The following IFT57 variants were observed in gnomAD, a reference collection of about 807,000 sequenced individuals.
IFT57 encodes intraflagellar transport 57.
IFT57 carries 59 observed loss-of-function variants against 56.8 expected under a neutral mutation model. That is an observed-to-expected ratio of 1.04 (90% CI 0.84 to 1.29). The LOEUF is 1.29. Among genes scored for constraint, IFT57 ranks in the 50% most tolerant of loss-of-function variants. The pLI is 0.00. For missense variants in IFT57, 470 were observed against 522.1 expected (o/e 0.90, Z 0.97); for synonymous variants, 209 against 186.1 (o/e 1.12, Z -1.00).
chr3:108,167,227 A>C lies in IFT57; in HGVS notation c.850-242T>G, dbSNP rs1348559921. 3 of 398,656 alleles carry C rather than the reference A, an allele frequency of 7.5e-6. No homozygotes were observed. In the South Asian group the frequency reaches 1.1e-4, roughly 14 times the overall value. The allele number at this position is 398,656 out of a possible 1,614,324, so 24.7% of individuals were successfully genotyped here. A position where few individuals can be genotyped will look rare whatever the true frequency, so the allele number is the denominator to read the frequency against. ...AGTCAATTCATTTGTCATTATACAT[A>C]CCATAAAATTTATGTGACTATAATT... On this transcript the variant is annotated intron_variant, in intron 7 of 10. Transcript: ENST00000264538.
chr3:108,199,907 G>T (rs919315228), intron 5 of IFT57, among the ~76,000 whole-genome samples: 4 of 152,132 alleles, frequency 2.6e-5, no homozygotes, highest in Non-Finnish European at 5.9e-5. Flanking sequence ...ACAGTGGGAA[G>T]GTATTTTAGA....
At chr3:108,214,718 T>C (rs981119515) in intron 3 of IFT57, among the ~76,000 whole-genome samples, 1 of 152,218 alleles carries the variant, frequency 6.6e-6, no homozygotes, top group Non-Finnish European at 1.5e-5. Flanking sequence ...GAATATCTTG[T>C]CATATTTTAA....
Position 108,162,434 on chromosome 3 carries a change from T to C in IFT57, c.*43A>G, listed in dbSNP as rs749424747. On this transcript the variant is annotated 3_prime_UTR_variant, in exon 11 of 11. Coordinates refer to ENST00000264538, the MANE Select transcript of IFT57 (RefSeq NM_018010.4). The stretch of plus-strand genomic sequence containing the variant: ...CTATGCAACATGAAATATAGTTTGA[T>C]ATAAAAAACCCAACTAATCAGAAAC... 1.3e-6 allele frequency: 2 copies of C among 1,487,642 alleles called. No individual in the cohort carries two copies. The highest frequency in any genetic ancestry group is 2.1e-5 in the Admixed American group (1 of 47,332). The allele number at this position is 1,487,642 out of a possible 1,614,324, so 92.2% of individuals were successfully genotyped here. A position where few individuals can be genotyped will look rare whatever the true frequency, so the allele number is the denominator to read the frequency against.
In IFT57 at chr3:108,206,685, T is replaced by A; in HGVS notation, c.597A>T (p.Thr199=). Residue 199 remains threonine (T), a synonymous_variant, in exon 5 of 11, where the codon ACA becomes ACT. Transcript: ENST00000264538. ...GATCAATAAAGTTTTCTTCATTATC[T>A]GTCTCTTCTTCCTTAGAAAATAAAT... ...KVDEEFVEEE[T]DNEENFIDLN... is the part of the protein sequence containing the mutation. 7.8e-7 allele frequency: 1 copy of A among 1,281,614 alleles called. No homozygotes were observed. Among genetic ancestry groups the A allele is most frequent in the Non-Finnish European group, 1.0e-6 (1 of 956,992 alleles). The allele number at this position is 1,281,614 out of a possible 1,614,324, so 79.4% of individuals were successfully genotyped here. A position where few individuals can be genotyped will look rare whatever the true frequency, so the allele number is the denominator to read the frequency against.
chr3:108,205,921 ATTTATAATATATAAATATATTAG>A (rs1331440079), intron 5 of IFT57, among the ~76,000 whole-genome samples: 9 of 123,578 alleles, frequency 7.3e-5, no homozygotes, highest in Non-Finnish European at 1.3e-4. Context: ...AATATATATT[ATTTATAATATATAAATATATTAG>A]TTTATAATAT....
chr3:108,175,848 A>G (rs1363650516), intron 6 of IFT57, among the ~76,000 whole-genome samples: 1 of 151,796 alleles, frequency 6.6e-6, no homozygotes, highest in Admixed American at 6.6e-5. Context: ...GCATAGTGCT[A>G]AAGAATTATT....
intron 4 of IFT57, among the ~76,000 whole-genome samples, chr3:108,208,637 G>A (rs1004017003): frequency 9.9e-5 from 15 of 152,116 alleles, no homozygotes; most frequent in African/African-American, 3.6e-4. Flanking sequence ...CTTGCTTCCT[G>A]TTCCCATGAC....
At chr3:108,219,740 T>A (rs2080395345) in intron 1 of IFT57, among the ~76,000 whole-genome samples, 168 bp from the exon 2 acceptor site, 1 of 152,136 alleles carries the variant, frequency 6.6e-6, no homozygotes, top group Non-Finnish European at 1.5e-5. Context: ...TCCACAGCAC[T>A]CACATTGAAG....
At chr3:108,197,990 G>T (rs977653201) in intron 5 of IFT57, among the ~76,000 whole-genome samples, 1 of 152,056 alleles carries the variant, frequency 6.6e-6, no homozygotes, top group African/African-American at 2.4e-5. Flanking sequence ...GTATATTTTA[G>T]CAGTTATTAT....
At chr3:108,188,142 G>A (rs149694641) in intron 6 of IFT57, among the ~76,000 whole-genome samples, 1 of 152,040 alleles carries the variant, frequency 6.6e-6, no homozygotes, top group African/African-American at 2.4e-5. Context: ...CTGTGTCCAA[G>A]TGTCTATTTG....
intron 5 of IFT57, among the ~76,000 whole-genome samples, chr3:108,199,498 G>C (rs2080265215): frequency 6.6e-6 from 1 of 152,132 alleles, no homozygotes; most frequent in Non-Finnish European, 1.5e-5. Flanking sequence ...AAGAGTCTAG[G>C]GGCTTAAAAA....
intron 6 of IFT57, among the ~76,000 whole-genome samples, chr3:108,185,947 C>T (rs1207127718): frequency 4.6e-5 from 7 of 152,028 alleles, no homozygotes; most frequent in Admixed American, 6.6e-5. Context: ...TTTTTGATAT[C>T]GGACCATGCC....
intron 2 of IFT57, 47 bp from the exon 3 acceptor site, chr3:108,218,700 C>T: frequency 1.2e-6 from 1 of 861,328 alleles, no homozygotes; most frequent in East Asian, 2.8e-5. Flanking sequence ...AGTTATACTC[C>T]AAATGTCAAA....
chr3:108,222,081 A>T (rs2080409248), intron 1 of IFT57, 30 bp downstream of exon 1: 1 of 1,563,364 alleles, frequency 6.4e-7, no homozygotes, highest in African/African-American at 1.4e-5. Context: ...GCTAGCAGGC[A>T]CCCGGGCGCT....
intron 2 of IFT57, 120 bp downstream of exon 2, chr3:108,219,290 C>T (rs946622056): frequency 9.0e-6 from 7 of 777,518 alleles, no homozygotes; most frequent in African/African-American, 5.3e-5. Flanking sequence ...GGAGGTTTTA[C>T]CTAAAAATAA....
chr3:108,208,132 T>C (rs1223927626), intron 4 of IFT57, among the ~76,000 whole-genome samples: 1 of 151,740 alleles, frequency 6.6e-6, no homozygotes, highest in Non-Finnish European at 1.5e-5. Flanking sequence ...ACCAGAAAGA[T>C]TTTAGTAAAA....
chr3:108,200,853 C>T (rs1432184238), intron 5 of IFT57, among the ~76,000 whole-genome samples: 1 of 152,134 alleles, frequency 6.6e-6, no homozygotes, highest in Admixed American at 6.6e-5. Flanking sequence ...CTCAAAAATA[C>T]TCATGACAAT....
In IFT57 at chr3:108,167,734, T is replaced by C. The variant is rs2080070128; in HGVS notation, c.849+59A>G. The C allele has an allele frequency of 2.6e-6, 3 of 1,172,424 alleles. No homozygotes were observed. The South Asian group carries it at 5.1e-5, about 20-fold the overall frequency. The allele number at this position is 1,172,424 out of a possible 1,614,324, so 72.6% of individuals were successfully genotyped here. On this transcript the variant is annotated intron_variant, in intron 7 of 10. Transcript: ENST00000264538. ...CTTTTTATTCTTTCATGTTCTCTTATAACAGGTGTTCCACAGATGAGTAAA... is the reference window on the plus strand; with the variant it reads ...CTTTTTATTCTTTCATGTTCTCTTACAACAGGTGTTCCACAGATGAGTAAA...
In IFT57 at chr3:108,163,728, A is replaced by C; in HGVS notation, c.1046T>G (p.Val349Gly). ...VTERTRLLSE[V>G]MEELEKVKQE... ...TTTTACCTTTTCTAATTCTTCCATAACCTTTCATGAAAACAAGTTTTCATG... is the reference window on the plus strand; with the variant it reads ...TTTTACCTTTTCTAATTCTTCCATACCCTTTCATGAAAACAAGTTTTCATG... Residue 349 changes from valine to glycine, a missense_variant and splice_region_variant, in exon 10 of 11, where the codon GTT becomes GGT. Val to Gly is a moderately radical substitution (Grantham distance 109). Transcript: ENST00000264538. 2 of 1,601,852 alleles carry C rather than the reference A, an allele frequency of 1.2e-6. No homozygotes were observed. The highest frequency in any genetic ancestry group is 1.7e-6 in the Non-Finnish European group (2 of 1,170,420).
Sources: gnomAD v4.1 joint callset for allele counts (sites outside exome capture counted in the v4.1 genomes callset) on GRCh38, gnomAD v4.1.1 for gene constraint, MANE v1.5 for transcripts, NCBI Gene and HGNC (gene_info 2026-07-23, HGNC 2026-07-21) for gene names.